SLC16A7: variants seen among roughly 807,000 people sequenced by gnomAD.
SLC16A7 encodes the protein monocarboxylate transporter 2.
SLC16A7 carries 33 observed loss-of-function variants against 34.9 expected under a neutral mutation model. The observed-to-expected ratio is 0.94, with a 90% CI of 0.72 to 1.26. The LOEUF (loss-of-function observed/expected upper bound fraction) is 1.26. SLC16A7 is among the 50% of genes most tolerant of loss of function. The probability of loss-of-function intolerance (pLI) is 0.00; values close to 1 mark genes in which losing one functional copy is unlikely to be tolerated. For missense variants in SLC16A7, 573 were observed against 578.1 expected, an observed-to-expected ratio of 0.99 and a Z score of 0.09; for synonymous variants, 201 against 206.6, an observed-to-expected ratio of 0.97 and a Z score of 0.23.
chr12:59,767,859 C>A (rs754326381), intron 3 of SLC16A7, among the ~76,000 whole-genome samples: 1 of 150,142 alleles, frequency 6.7e-6, no homozygotes, highest in Non-Finnish European at 1.5e-5. Flanking sequence ...AACCAATCAC[C>A]GCATGTTCTC....
At chr12:59,736,029 T>G in intron 3 of SLC16A7, 1 of 544,838 alleles carries the variant, frequency 1.8e-6, no homozygotes, top group Non-Finnish European at 2.9e-6. Flanking sequence ...AATGTATGGT[T>G]TTAATAAGAA....
At chr12:59,613,861 G>T (rs141175118) in intron 1 of SLC16A7, among the ~76,000 whole-genome samples, 3 of 152,152 alleles carry the variant, frequency 2.0e-5, no homozygotes, top group Non-Finnish European at 4.4e-5. Flanking sequence ...TGTAAATGAG[G>T]TATTTCTGTA....
At chr12:59,647,725 C>T (rs1260344393) in intron 1 of SLC16A7, among the ~76,000 whole-genome samples, 2 of 152,090 alleles carry the variant, frequency 1.3e-5, no homozygotes, top group African/African-American at 4.8e-5. Context: ...CATGCCTGAT[C>T]TGATGGCATT....
At chr12:59,644,663 C>T (rs1330720445) in intron 1 of SLC16A7, among the ~76,000 whole-genome samples, 3 of 152,186 alleles carry the variant, frequency 2.0e-5, no homozygotes, top group African/African-American at 7.2e-5. Context: ...TGGTACTTAA[C>T]TAATTTCTGA....
chr12:59,758,365 T>C (rs928047635), intron 3 of SLC16A7, among the ~76,000 whole-genome samples: 1 of 152,240 alleles, frequency 6.6e-6, no homozygotes, highest in Non-Finnish European at 1.5e-5. Flanking sequence ...TTTTCTCATA[T>C]GCTACTTCCT....
At chr12:59,711,799 C>T (rs1314570605) in intron 3 of SLC16A7, among the ~76,000 whole-genome samples, 1 of 152,198 alleles carries the variant, frequency 6.6e-6, no homozygotes, top group Admixed American at 6.5e-5. Context: ...CCACCACACC[C>T]ACCCAGCCCT....
chr12:59,666,297 GT>G (rs570376324), intron 2 of SLC16A7, among the ~76,000 whole-genome samples: 1 of 152,184 alleles, frequency 6.6e-6, no homozygotes, highest in Non-Finnish European at 1.5e-5. Flanking sequence ...AGGGCTGGCA[GT>G]TAAGGTATAG....
At chr12:59,659,290 G>A (rs1868705371) in intron 2 of SLC16A7, among the ~76,000 whole-genome samples, 1 of 152,040 alleles carries the variant, frequency 6.6e-6, no homozygotes, top group South Asian at 2.1e-4. Context: ...TAGCAGGTAT[G>A]AGTACATATT....
At chr12:59,634,998 A>G (rs1418237584) in intron 1 of SLC16A7, among the ~76,000 whole-genome samples, 1 of 152,100 alleles carries the variant, frequency 6.6e-6, no homozygotes, top group Non-Finnish European at 1.5e-5. Flanking sequence ...ACCCCTTTAG[A>G]ACTATTCTTT....
At chr12:59,628,555 C>G (rs748586495) in intron 1 of SLC16A7, among the ~76,000 whole-genome samples, 1 of 151,828 alleles carries the variant, frequency 6.6e-6, no homozygotes, top group South Asian at 2.1e-4. Context: ...CCTCTGGTAG[C>G]TTTTAGCACA....
intron 3 of SLC16A7, among the ~76,000 whole-genome samples, chr12:59,726,448 AAG>A (rs1876245793): frequency 6.6e-6 from 1 of 152,106 alleles, no homozygotes; most frequent in Non-Finnish European, 1.5e-5. Context: ...GATAGGGTAA[AAG>A]AGAAAGAAGG....
intron 3 of SLC16A7, among the ~76,000 whole-genome samples, chr12:59,705,601 G>A (rs1592537676): frequency 6.6e-6 from 1 of 152,036 alleles, no homozygotes; most frequent in Non-Finnish European, 1.5e-5. Flanking sequence ...GTTCAAATGA[G>A]GGTATTAGTC....
chr12:59,597,963 T>C (rs1234922525), intron 1 of SLC16A7, among the ~76,000 whole-genome samples: 4 of 152,230 alleles, frequency 2.6e-5, no homozygotes, highest in Admixed American at 6.5e-5. Flanking sequence ...ATGCTCAGTT[T>C]ATTTCTAGAC....
At chr12:59,742,623 T>C (rs934530618) in intron 3 of SLC16A7, among the ~76,000 whole-genome samples, 18 of 152,128 alleles carry the variant, frequency 1.2e-4, no homozygotes, top group Admixed American at 6.6e-4. Context: ...ATAGAGAGGT[T>C]TGAAACAATC....
intron 2 of SLC16A7, among the ~76,000 whole-genome samples, chr12:59,698,603 G>A (rs1055475761): frequency 5.3e-5 from 8 of 151,778 alleles, no homozygotes; most frequent in African/African-American, 1.4e-4. Context: ...TCAATAAACC[G>A]TTTGTGGACC....
chr12:59,616,328 A>G (rs1422953945), intron 1 of SLC16A7, among the ~76,000 whole-genome samples: 2 of 152,166 alleles, frequency 1.3e-5, no homozygotes, highest in Admixed American at 6.5e-5. Flanking sequence ...ATTGACTTTG[A>G]GCAAAAGTAA....
chr12:59,779,557 G>A lies in SLC16A7; in HGVS notation c.1315G>A (p.Glu439Lys). 1 of 1,612,570 alleles carries A rather than the reference G, an allele frequency of 6.2e-7. No individual in the cohort carries two copies. Among genetic ancestry groups the A allele is most frequent in the Non-Finnish European group, 8.5e-7 (1 of 1,179,128 alleles). The stretch of plus-strand genomic sequence containing the variant: ...ATTGCTTGCAAAGGAAAGGAAGGAG[G>A]AAAATGCAAGGCAGAAGACCAGAGA... ...YRLLAKERKE[E>K]NARQKTRESE... is the part of the protein sequence containing the mutation. Residue 439 changes from glutamate (E) to lysine (K), a missense_variant, in exon 6 of 6, where the codon GAA becomes AAA. By Grantham distance (56) the Glu-to-Lys change is moderately conservative. Coordinates refer to ENST00000547379, the MANE Select transcript of SLC16A7 (RefSeq NM_001270623.2).
At chr12:59,657,759 A>G (rs1033136357) in intron 2 of SLC16A7, among the ~76,000 whole-genome samples, 3 of 151,988 alleles carry the variant, frequency 2.0e-5, no homozygotes, top group African/African-American at 4.8e-5. Context: ...CCTAATGCCA[A>G]TAAACAAATG....
chr12:59,634,226 C>T (rs777223359), intron 1 of SLC16A7, among the ~76,000 whole-genome samples: 7 of 151,988 alleles, frequency 4.6e-5, no homozygotes, highest in Non-Finnish European at 8.8e-5. Context: ...GCAGCATGCA[C>T]ACTGTGTGCA....
Sources: allele counts gnomAD v4.1 joint callset (sites outside exome capture counted in the v4.1 genomes callset), GRCh38; gene constraint gnomAD v4.1.1; transcripts MANE v1.5; gene names NCBI Gene and HGNC (gene_info 2026-07-23, HGNC 2026-07-21).